The following METTL15 variants were observed in gnomAD, a reference collection of about 807,000 sequenced individuals.
METTL15 encodes the protein 12S rRNA N(4)-cytidine methyltransferase METTL15.
A neutral mutation model predicts 38.3 loss-of-function variants in METTL15; 34 were observed. That is an observed-to-expected ratio of 0.89 (90% confidence interval 0.68 to 1.18). METTL15 has a LOEUF of 1.18. Ranked by LOEUF, METTL15 falls within the 50% of genes most tolerant of loss-of-function variation. The pLI, the probability that METTL15 is intolerant of heterozygous loss-of-function variation, is 0.00. For synonymous variants in METTL15, 162 were observed against 170.9 expected (o/e 0.95, Z 0.41); for missense variants, 438 against 498.4 (o/e 0.88, Z 1.15).
intron 6 of METTL15, among the ~76,000 whole-genome samples, chr11:28,490,845 A>AT (rs1417847960): frequency 1.3e-5 from 2 of 152,168 alleles, no homozygotes; most frequent in Non-Finnish European, 2.9e-5. Flanking sequence ...ATAAATAGAC[A>AT]TTTTTGTCAA....
rs547880757 is a variant in METTL15, at chr11:28,331,945, C to T, written c.*1104C>T. On this transcript the variant is annotated 3_prime_UTR_variant, in exon 7 of 7. Coordinates refer to ENST00000407364, the MANE Select transcript of METTL15 (RefSeq NM_001113528.2). Reference sequence around the variant, plus strand: ...AGAAATAAATATTCTCTTAGTTATCCTTGAAATCATATTTATACTATTAAT... The same window carrying T: ...AGAAATAAATATTCTCTTAGTTATCTTTGAAATCATATTTATACTATTAAT... The T allele has an allele frequency of 7.2e-4, 109 of 152,104 alleles. No individual in the cohort carries two copies. The highest frequency in any genetic ancestry group is 2.5e-3 in the African/African-American group (102 of 41,516). The allele number at this position is 152,104 out of a possible 1,614,324, so 9.4% of individuals were successfully genotyped here. A position where few individuals can be genotyped will look rare whatever the true frequency, so the allele number is the denominator to read the frequency against.
chr11:28,277,758 G>A (rs974932646), intron 4 of METTL15, among the ~76,000 whole-genome samples: 6 of 152,042 alleles, frequency 3.9e-5, no homozygotes, highest in Non-Finnish European at 7.4e-5. Context: ...AACATGGATG[G>A]AACTAGAGGT....
intron 3 of METTL15, among the ~76,000 whole-genome samples, chr11:28,207,645 C>T (rs941352745): frequency 2.0e-5 from 3 of 152,230 alleles, no homozygotes; most frequent in Non-Finnish European, 4.4e-5. Context: ...GGGAGGATTC[C>T]CTCTTTTTCT....
intron 6 of METTL15, among the ~76,000 whole-genome samples, chr11:28,434,498 T>A (rs1336682565): frequency 6.6e-6 from 1 of 152,222 alleles, no homozygotes; most frequent in Non-Finnish European, 1.5e-5. Context: ...TTTCCATCTG[T>A]TTGTAAATTT....
chr11:28,112,774 T>A (rs1221422658), intron 2 of METTL15, among the ~76,000 whole-genome samples: 5 of 152,166 alleles, frequency 3.3e-5, no homozygotes, highest in African/African-American at 1.2e-4. Flanking sequence ...ATAGACTGAT[T>A]ATCTTTTTTA....
At chr11:28,253,717 C>T (rs1438128045) in intron 4 of METTL15, among the ~76,000 whole-genome samples, 1 of 148,134 alleles carries the variant, frequency 6.8e-6, no homozygotes, top group Non-Finnish European at 1.5e-5. Flanking sequence ...TTTTTAGGTT[C>T]CACAATAAGT....
chr11:28,368,137 A>C lies in METTL15; in HGVS notation c.*358+6101A>C, dbSNP rs559329347. On this transcript the variant is annotated intron_variant and NMD_transcript_variant, in intron 5 of 7. Transcript: ENST00000532947. ...AAGAGCTTCTGCATAGCAAAAAAAA[A>C]AAAAACAAAAAAAACAAAAAAAAAA... Among the ~76,000 whole-genome samples the C allele has an allele frequency of 4.9e-5, 7 of 144,020 alleles. No individual in the cohort carries two copies. The South Asian group carries it at 1.6e-3, about 33-fold the overall frequency. The allele number at this position is 144,020 out of a possible 152,430, so 94.5% of individuals were successfully genotyped here.
At chr11:28,135,692 G>A (rs748369810) in intron 3 of METTL15, among the ~76,000 whole-genome samples, 7 of 152,188 alleles carry the variant, frequency 4.6e-5, no homozygotes, top group African/African-American at 9.7e-5. Context: ...CTATATTGCC[G>A]TAAGTTAAAG....
At chr11:28,373,117 G>A (rs527414827) in intron 5 of METTL15, among the ~76,000 whole-genome samples, 140 of 152,128 alleles carry the variant, frequency 9.2e-4, no homozygotes, top group African/African-American at 3.3e-3. Flanking sequence ...ATGATTTATA[G>A]TCCTTTGGGT....
At chr11:28,364,710 C>T (rs1850170222) in intron 5 of METTL15, among the ~76,000 whole-genome samples, 1 of 152,114 alleles carries the variant, frequency 6.6e-6, no homozygotes, top group Admixed American at 6.6e-5. Context: ...ACTTCCAGTA[C>T]TATGTTGAAT....
intron 6 of METTL15, chr11:28,328,085 A>G (rs180924761): frequency 1.9e-6 from 3 of 1,604,978 alleles, no homozygotes; most frequent in Admixed American, 1.7e-5. Context: ...ATGTTTGTTC[A>G]TATTCTTAGA....
chr11:28,133,270 G>A (rs977708735), intron 3 of METTL15, among the ~76,000 whole-genome samples: 1 of 152,082 alleles, frequency 6.6e-6, no homozygotes, highest in African/African-American at 2.4e-5. Context: ...TCCTCTAAAG[G>A]GAGCGTTTTT....
intron 6 of METTL15, among the ~76,000 whole-genome samples, chr11:28,493,627 T>G (rs1851514340): frequency 6.6e-6 from 1 of 152,168 alleles, no homozygotes. Context: ...AAACATCAAT[T>G]CACTTGCTGT....
chr11:28,323,422 A>G (rs1434979541), intron 6 of METTL15, among the ~76,000 whole-genome samples: 1 of 152,152 alleles, frequency 6.6e-6, no homozygotes, highest in Non-Finnish European at 1.5e-5. Context: ...TAAGGGGACT[A>G]GTGACATGGT....
At chr11:28,521,536 T>C (rs764360073) in intron 6 of METTL15, among the ~76,000 whole-genome samples, 15 of 152,264 alleles carry the variant, frequency 9.9e-5, no homozygotes, top group South Asian at 4.2e-4. Context: ...GCCAGAGGCT[T>C]AGGAAGGTAG....
At chr11:28,405,407 T>C (rs1590363318) in intron 5 of METTL15, among the ~76,000 whole-genome samples, 1 of 152,176 alleles carries the variant, frequency 6.6e-6, no homozygotes, top group Admixed American at 6.6e-5. Flanking sequence ...GACCTGGTTT[T>C]CCCATTTGGC....
intron 4 of METTL15, among the ~76,000 whole-genome samples, chr11:28,285,073 C>T (rs1015252098): frequency 4.6e-5 from 7 of 152,090 alleles, no homozygotes; most frequent in Admixed American, 4.6e-4. Context: ...CCCAGGCTTG[C>T]ACTTACTCCG....
At chr11:28,313,527 A>T (rs1857377694) in intron 6 of METTL15, among the ~76,000 whole-genome samples, 1 of 151,882 alleles carries the variant, frequency 6.6e-6, no homozygotes, top group Admixed American at 6.6e-5. Flanking sequence ...TTTATATGTC[A>T]TGGAAAATTG....
chr11:28,455,105 T>A (rs1176703713), intron 6 of METTL15, among the ~76,000 whole-genome samples: 1 of 152,188 alleles, frequency 6.6e-6, no homozygotes, highest in Non-Finnish European at 1.5e-5. Context: ...CCATTTGGAT[T>A]TTCATCATGC....
Sources: allele counts gnomAD v4.1 joint callset (sites outside exome capture counted in the v4.1 genomes callset), GRCh38; gene constraint gnomAD v4.1.1; transcripts MANE v1.5; gene names NCBI Gene and HGNC (gene_info 2026-07-23, HGNC 2026-07-21).